The following GCLC variants were observed in gnomAD, a reference collection of about 807,000 sequenced individuals.
GCLC encodes glutamate--cysteine ligase catalytic subunit.
In GCLC, 30 loss-of-function variants were observed where a neutral mutation model predicts 81.5. That is an observed-to-expected ratio of 0.37 (90% CI 0.28 to 0.50). The LOEUF is 0.50. Ranked by LOEUF, GCLC falls within the 20% of genes least tolerant of loss-of-function variation. The pLI is 0.96. For synonymous variants in GCLC, 262 were observed against 273.3 expected (o/e 0.96, Z 0.41); for missense variants, 556 against 777.4 (o/e 0.72, Z 3.39).
intron 1 of GCLC, among the ~76,000 whole-genome samples, chr6:53,534,231 G>C (rs1763220861): frequency 1.3e-5 from 2 of 152,200 alleles, no homozygotes; most frequent in Non-Finnish European, 2.9e-5. Flanking sequence ...CCAGTCACAG[G>C]ATGATAACAG....
At chr6:53,517,933 G>A (rs557959637) in intron 3 of GCLC, among the ~76,000 whole-genome samples, 1 of 151,942 alleles carries the variant, frequency 6.6e-6, no homozygotes, top group African/African-American at 2.4e-5. Context: ...TTACTGTTTT[G>A]GACTAGAGTT....
chr6:53,516,652 T>A (rs1462294551), intron 3 of GCLC, among the ~76,000 whole-genome samples: 1 of 152,180 alleles, frequency 6.6e-6, no homozygotes, highest in Non-Finnish European at 1.5e-5. Flanking sequence ...TTGGACCTGC[T>A]GCATGGCACC....
At chr6:53,524,876 C>T (rs141486354) in intron 1 of GCLC, among the ~76,000 whole-genome samples, 2,194 of 152,144 alleles carry the variant, frequency 0.014, 25 homozygotes, top group Middle Eastern at 0.085. Context: ...CACTCTTAGC[C>T]CACAAGTTTA....
chr6:53,542,581 G>C (rs1386711481), intron 1 of GCLC, among the ~76,000 whole-genome samples: 2 of 152,008 alleles, frequency 1.3e-5, no homozygotes, highest in African/African-American at 4.8e-5. Context: ...AAGGGGTGGT[G>C]GGGGGTGGGG....
chr6:53,514,041 A>G lies in GCLC; in HGVS notation c.753+163T>C, dbSNP rs954118773. 8.1e-5 allele frequency: 54 copies of G among 663,086 alleles called. No individual in the cohort carries two copies. The Admixed American group carries it at 1.3e-3, about 16-fold the overall frequency. 41.1% of individuals were successfully genotyped at this position (663,086 alleles called of 1,614,324 possible). A position where few individuals can be genotyped will look rare whatever the true frequency, so the allele number is the denominator to read the frequency against. On this transcript the variant is annotated intron_variant, in intron 6 of 15. Coordinates refer to ENST00000650454, the MANE Select transcript of GCLC (RefSeq NM_001498.4). ...AACTATTAGTCATAGACAGCTTCCA[A>G]TGAATTTACTAATATAACTTCATGT...
chr6:53,518,417 ATTTTTGTAT>A (rs1762925553), intron 3 of GCLC, among the ~76,000 whole-genome samples: 1 of 151,902 alleles, frequency 6.6e-6, no homozygotes, highest in East Asian at 1.9e-4. Context: ...TACCTGGCTA[ATTTTTGTAT>A]TTTTTGTAAA....
intron 12 of GCLC, chr6:53,501,157 G>C (rs962692053): frequency 6.2e-6 from 1 of 161,006 alleles, no homozygotes; most frequent in Non-Finnish European, 1.4e-5. Context: ...GACCTCAAGT[G>C]ATCTGCCCGC....
chr6:53,516,072 G>T, intron 4 of GCLC, 37 bp downstream of exon 4: 1 of 1,173,462 alleles, frequency 8.5e-7, no homozygotes, highest in South Asian at 1.2e-5. Context: ...GGGGTCTAGT[G>T]AAGGGCATCT....
intron 1 of GCLC, among the ~76,000 whole-genome samples, chr6:53,532,693 A>G (rs1007527055): frequency 1.3e-5 from 2 of 152,146 alleles, no homozygotes; most frequent in African/African-American, 4.8e-5. Context: ...CACTCACCTT[A>G]GAGTCTGAAT....
intron 12 of GCLC, chr6:53,501,481 A>G (rs990257903): frequency 2.0e-5 from 3 of 152,238 alleles, no homozygotes; most frequent in African/African-American, 7.2e-5. Context: ...CTCTCAAAGC[A>G]GAATTTAAAA....
At chr6:53,514,542 A>C in intron 4 of GCLC, 45 bp from the exon 5 acceptor site, 1 of 1,361,866 alleles carries the variant, frequency 7.3e-7, no homozygotes, top group Non-Finnish European at 1.1e-6. Context: ...CCTAAGAGTC[A>C]TCGTGTAAAA....
chr6:53,528,638 T>C (rs568269580), intron 1 of GCLC, among the ~76,000 whole-genome samples: 1 of 152,336 alleles, frequency 6.6e-6, no homozygotes, highest in African/African-American at 2.4e-5. Context: ...AAATGTCTAT[T>C]CATACTAAAG....
intron 3 of GCLC, among the ~76,000 whole-genome samples, chr6:53,517,249 GTTT>G (rs201960255): frequency 0.16 from 11,709 of 72,454 alleles, 787 homozygotes; most frequent in Non-Finnish European, 0.18. Context: ...ACTGTACCAA[GTTT>G]TTTTTTTTTT....
At chr6:53,527,708 A>G (rs893998673) in intron 1 of GCLC, among the ~76,000 whole-genome samples, 1 of 152,234 alleles carries the variant, frequency 6.6e-6, no homozygotes, top group African/African-American at 2.4e-5. Context: ...AGCACAGTCT[A>G]AGCCGGTCTA....
intron 1 of GCLC, among the ~76,000 whole-genome samples, chr6:53,535,559 AGGAAATATTT>A (rs1418611890): frequency 2.6e-5 from 4 of 152,212 alleles, no homozygotes; most frequent in Admixed American, 2.6e-4. Context: ...ACAGACTGAG[AGGAAATATTT>A]GCAAAGTTTG....
chr6:53,503,383 A>C (rs1764549824), intron 12 of GCLC: 1 of 152,196 alleles, frequency 6.6e-6, no homozygotes, highest in South Asian at 2.1e-4. Flanking sequence ...TATTTTTGTT[A>C]CAGCAGCCCA....
intron 1 of GCLC, chr6:53,523,768 T>C (rs1431788808): frequency 2.0e-5 from 3 of 152,074 alleles, no homozygotes; most frequent in Non-Finnish European, 2.9e-5. Flanking sequence ...AATATGATTA[T>C]AAAGAGGAAA....
At chr6:53,538,603 T>C (rs1245644399) in intron 1 of GCLC, among the ~76,000 whole-genome samples, 1 of 152,210 alleles carries the variant, frequency 6.6e-6, no homozygotes, top group Non-Finnish European at 1.5e-5. Flanking sequence ...CTATGCATTT[T>C]CTAAATAGTC....
At chr6:53,511,244 A>G (rs1000294399) in intron 6 of GCLC, among the ~76,000 whole-genome samples, 1 of 151,758 alleles carries the variant, frequency 6.6e-6, no homozygotes, top group African/African-American at 2.4e-5. Flanking sequence ...TCAAAGGTAT[A>G]GTGAGAAACC....
Sources: allele counts gnomAD v4.1 joint callset (sites outside exome capture counted in the v4.1 genomes callset), GRCh38; gene constraint gnomAD v4.1.1; transcripts MANE v1.5; gene names NCBI Gene and HGNC (gene_info 2026-07-23, HGNC 2026-07-21).